Variants in EPB41L2 observed in about 807,000 individuals in gnomAD.
The protein encoded by EPB41L2 is erythrocyte membrane protein band 4.1 like 2.
In EPB41L2, 43 loss-of-function variants were observed where a neutral mutation model predicts 113.0. The observed-to-expected ratio is 0.38, with a 90% CI of 0.30 to 0.49. EPB41L2 has a LOEUF of 0.49. EPB41L2 is among the 20% of genes least tolerant of loss of function. The probability of loss-of-function intolerance (pLI) is 0.95; values close to 1 mark genes in which losing one functional copy is unlikely to be tolerated. For synonymous variants in EPB41L2, 442 were observed against 436.7 expected (o/e 1.01, Z -0.15); for missense variants, 1,147 against 1,223.4 (o/e 0.94, Z 0.93).
intron 11 of EPB41L2, among the ~76,000 whole-genome samples, chr6:130,886,297 C>T (rs567138240): frequency 5.9e-5 from 9 of 152,156 alleles, no homozygotes; most frequent in Non-Finnish European, 2.9e-5. Context: ...AATCCACAGC[C>T]TTCACCTGCC....
chr6:130,877,651 T>C (rs1015906202), intron 14 of EPB41L2, among the ~76,000 whole-genome samples: 1 of 152,198 alleles, frequency 6.6e-6, no homozygotes, highest in Non-Finnish European at 1.5e-5. Context: ...ACAGGGCTCA[T>C]CGGTCTTTAA....
Position 130,867,598 on chromosome 6 carries a change from A to T in EPB41L2, c.2608-17T>A, listed in dbSNP as rs755138914. The T allele has an allele frequency of 6.2e-7, 1 of 1,613,402 alleles. No individual in the cohort carries two copies. ...CACTGGTGGCTGAGGTGGAAAAGGA[A>T]GGGAAAAATAAATTCTAGAGGTAAT... is the stretch of plus-strand genomic sequence containing the variant. On this transcript the variant is annotated splice_polypyrimidine_tract_variant and intron_variant, in intron 15 of 19. Coordinates refer to ENST00000337057, the MANE Select transcript of EPB41L2 (RefSeq NM_001431.4).
chr6:130,989,650 G>C (rs1781375654), intron 1 of EPB41L2, among the ~76,000 whole-genome samples: 1 of 152,158 alleles, frequency 6.6e-6, no homozygotes, highest in Admixed American at 6.5e-5. Flanking sequence ...TGCTTCTCTA[G>C]AGACTAAAAA....
At chr6:131,049,331 T>C (rs1319600588) in intron 1 of EPB41L2, among the ~76,000 whole-genome samples, 1 of 152,236 alleles carries the variant, frequency 6.6e-6, no homozygotes, top group Non-Finnish European at 1.5e-5. Flanking sequence ...TACAAGTTCA[T>C]GGATAAATTT....
intron 14 of EPB41L2, among the ~76,000 whole-genome samples, chr6:130,877,241 C>T (rs1308189470): frequency 6.6e-6 from 1 of 152,140 alleles, no homozygotes; most frequent in Non-Finnish European, 1.5e-5. Flanking sequence ...AATTTGGCAA[C>T]ATTCAAGCCA....
At position 130,890,416 on chromosome 6, in the gene EPB41L2, G is replaced by C; in HGVS notation, c.1538C>G (p.Ser513Cys). 6.2e-7 allele frequency: 1 copy of C among 1,612,712 alleles called. No individual in the cohort carries two copies. Among genetic ancestry groups the C allele is most frequent in the Non-Finnish European group, 8.5e-7 (1 of 1,179,730 alleles). The stretch of plus-strand genomic sequence containing the variant: ...GGTGCGGCCACTATAGCGAAATTTG[G>C]ACCCCAAGGTCAGGAACTTGGCTTT... ...PPKAKFLTLGSKFRYSGRTQA... is the reference protein window; with the variant it reads ...PPKAKFLTLGCKFRYSGRTQA... Residue 513 changes from serine (S) to cysteine (C), a missense_variant, in exon 11 of 20, where the codon TCC becomes TGC. Transcript: ENST00000337057.
At chr6:130,882,631 G>T (rs1789682804) in intron 12 of EPB41L2, 1 of 152,864 alleles carries the variant, frequency 6.5e-6, no homozygotes, top group African/African-American at 2.4e-5. Context: ...GAAGGGAAAA[G>T]GCAAGAGAAA....
chr6:130,947,142 C>T (rs1813205909), intron 3 of EPB41L2, among the ~76,000 whole-genome samples: 1 of 151,240 alleles, frequency 6.6e-6, no homozygotes, highest in African/African-American at 2.4e-5. Flanking sequence ...TGGTCCATTA[C>T]TAAGCAGCTC....
At chr6:130,970,713 A>G (rs985085056) in intron 1 of EPB41L2, among the ~76,000 whole-genome samples, 2 of 152,096 alleles carry the variant, frequency 1.3e-5, no homozygotes, top group South Asian at 2.1e-4. Flanking sequence ...TTCATCCCAG[A>G]ATAGACACCA....
intron 17 of EPB41L2, among the ~76,000 whole-genome samples, chr6:130,864,422 G>A (rs1783067708): frequency 6.6e-6 from 1 of 152,182 alleles, no homozygotes; most frequent in Non-Finnish European, 1.5e-5. Context: ...ACGTAGACAT[G>A]GCGCATGGCT....
chr6:130,928,634 T>A (rs1805625262), intron 3 of EPB41L2, among the ~76,000 whole-genome samples: 1 of 152,238 alleles, frequency 6.6e-6, no homozygotes, highest in Non-Finnish European at 1.5e-5. Flanking sequence ...GAACATGCCC[T>A]CATGGGCAGA....
chr6:130,947,961 C>A (rs1046221653), intron 3 of EPB41L2, among the ~76,000 whole-genome samples: 10 of 152,152 alleles, frequency 6.6e-5, no homozygotes, highest in Admixed American at 1.3e-4. Context: ...TTCAAGTGAA[C>A]TGCTGGTACA....
chr6:130,925,260 C>T (rs1186269610), intron 4 of EPB41L2, among the ~76,000 whole-genome samples: 1 of 141,164 alleles, frequency 7.1e-6, no homozygotes, highest in African/African-American at 2.8e-5. Context: ...GTGATCTTGG[C>T]TCACTGCAAC....
chr6:130,934,210 A>C (rs1451136901), intron 3 of EPB41L2, among the ~76,000 whole-genome samples: 1 of 152,176 alleles, frequency 6.6e-6, no homozygotes, highest in East Asian at 1.9e-4. Context: ...GGGAGCTGTC[A>C]ACACATCTCT....
chr6:130,989,045 C>G (rs563987830), intron 1 of EPB41L2, among the ~76,000 whole-genome samples: 38 of 152,170 alleles, frequency 2.5e-4, no homozygotes, highest in African/African-American at 9.2e-4. Flanking sequence ...GCCAAGATCA[C>G]GCCACTGCAC....
At chr6:130,864,524 G>A (rs1783110244) in intron 17 of EPB41L2, among the ~76,000 whole-genome samples, 1 of 152,162 alleles carries the variant, frequency 6.6e-6, no homozygotes, top group Non-Finnish European at 1.5e-5. Context: ...GAGTGCCTGG[G>A]GCACACTGGA....
intron 1 of EPB41L2, among the ~76,000 whole-genome samples, chr6:131,011,337 A>C (rs1014221730): frequency 6.6e-6 from 1 of 152,342 alleles, no homozygotes; most frequent in African/African-American, 2.4e-5. Context: ...GACCACTACA[A>C]GTTGCTCTTT....
chr6:130,942,018 C>T (rs1046048454), intron 3 of EPB41L2, among the ~76,000 whole-genome samples: 3 of 152,186 alleles, frequency 2.0e-5, no homozygotes, highest in African/African-American at 4.8e-5. Flanking sequence ...AGCCACCTTG[C>T]ATCATAAAAC....
intron 4 of EPB41L2, among the ~76,000 whole-genome samples, chr6:130,919,348 C>CT (rs919199113): frequency 1.3e-5 from 2 of 152,148 alleles, no homozygotes; most frequent in African/African-American, 4.8e-5. Flanking sequence ...TATTTTCTTC[C>CT]TTAATGACCT....
Sources: gnomAD v4.1 joint callset for allele counts (sites outside exome capture counted in the v4.1 genomes callset) on GRCh38, gnomAD v4.1.1 for gene constraint, MANE v1.5 for transcripts, NCBI Gene and HGNC (gene_info 2026-07-23, HGNC 2026-07-21) for gene names.